SORCS2: variants seen among roughly 807,000 people sequenced by gnomAD.
SORCS2 encodes VPS10 domain-containing receptor SorCS2.
Under a neutral mutation model 141.6 loss-of-function variants are expected in SORCS2, and 100 were observed. The observed-to-expected ratio is 0.71, with a 90% confidence interval of 0.60 to 0.83. The LOEUF is 0.83. Among genes scored for constraint, SORCS2 ranks in the 40% least tolerant of loss-of-function variants. The pLI, the probability that SORCS2 is intolerant of heterozygous loss-of-function variation, is 0.00. For synonymous variants in SORCS2, 789 were observed against 676.9 expected (o/e 1.17, Z -2.57); for missense variants, 1,646 against 1,560.2 (o/e 1.05, Z -0.93).
At chr4:7,368,147 C>T (rs1029455349) in intron 1 of SORCS2, among the ~76,000 whole-genome samples, 16 of 152,170 alleles carry the variant, frequency 1.1e-4, no homozygotes, top group Admixed American at 4.6e-4. Flanking sequence ...ATGAATGTGC[C>T]GGAATCCTGT....
intron 1 of SORCS2, among the ~76,000 whole-genome samples, chr4:7,389,689 C>T (rs909260242): frequency 1.3e-5 from 2 of 151,986 alleles, no homozygotes; most frequent in African/African-American, 4.8e-5. Flanking sequence ...AGGTGGTGGC[C>T]TTGAGAATGA....
intron 2 of SORCS2, among the ~76,000 whole-genome samples, chr4:7,524,768 T>A (rs1577695696): frequency 6.6e-6 from 1 of 151,528 alleles, no homozygotes; most frequent in Non-Finnish European, 1.5e-5. Flanking sequence ...TCTGCTGGAG[T>A]CGGGTGGTCC....
intron 9 of SORCS2, among the ~76,000 whole-genome samples, chr4:7,679,234 C>G (rs1049082178): frequency 6.6e-6 from 1 of 152,150 alleles, no homozygotes; most frequent in Non-Finnish European, 1.5e-5. Context: ...AGACAGCAAA[C>G]ATTTCCTAGG....
intron 1 of SORCS2, among the ~76,000 whole-genome samples, chr4:7,308,764 C>G (rs1308410007): frequency 6.6e-6 from 1 of 152,008 alleles, no homozygotes; most frequent in African/African-American, 2.4e-5. Context: ...TCGTCTCGCT[C>G]CAGCACCCTG....
chr4:7,592,431 C>G (rs1372303877), intron 3 of SORCS2, among the ~76,000 whole-genome samples: 3 of 152,158 alleles, frequency 2.0e-5, no homozygotes, highest in Non-Finnish European at 4.4e-5. Flanking sequence ...ATGACCAGTG[C>G]TCACCAGCAC....
intron 3 of SORCS2, among the ~76,000 whole-genome samples, chr4:7,633,493 T>A (rs574906925): frequency 6.6e-6 from 1 of 152,308 alleles, no homozygotes; most frequent in East Asian, 1.9e-4. Context: ...AACACCTGGG[T>A]GCCATTTTCC....
chr4:7,432,053 C>T (rs898589621), intron 2 of SORCS2: 1 of 152,426 alleles, frequency 6.6e-6, no homozygotes, highest in Admixed American at 6.5e-5. Context: ...CAGGGGCTCT[C>T]CTGGAGGGGG....
At chr4:7,469,753 A>G (rs1729856148) in intron 2 of SORCS2, among the ~76,000 whole-genome samples, 1 of 147,368 alleles carries the variant, frequency 6.8e-6, no homozygotes, top group Non-Finnish European at 1.5e-5. Context: ...AGGTGATTCC[A>G]ATCTGCAGCC....
At chr4:7,411,815 C>T (rs1335261325) in intron 2 of SORCS2, among the ~76,000 whole-genome samples, 1 of 152,176 alleles carries the variant, frequency 6.6e-6, no homozygotes, top group African/African-American at 2.4e-5. Flanking sequence ...TCCATTGGAG[C>T]AGAGGAAGTG....
intron 9 of SORCS2, among the ~76,000 whole-genome samples, chr4:7,679,343 G>A (rs933245160): frequency 6.6e-6 from 1 of 152,184 alleles, no homozygotes; most frequent in Non-Finnish European, 1.5e-5. Context: ...ATCCTAATGG[G>A]CTGAATGGTG....
chr4:7,387,440 T>G, intron 1 of SORCS2, among the ~76,000 whole-genome samples: 1 of 76,632 alleles, frequency 1.3e-5, no homozygotes, highest in Non-Finnish European at 3.0e-5. Context: ...CATAGGTACA[T>G]GCATGCACAC....
intron 2 of SORCS2, among the ~76,000 whole-genome samples, chr4:7,441,772 C>T (rs1168944971): frequency 1.7e-4 from 4 of 23,734 alleles, no homozygotes; most frequent in Admixed American, 7.8e-4. Context: ...ACCCCCTCCC[C>T]CAGCCCAGAT....
chr4:7,532,812 TGTTTTGTTTTGTTTC>T (rs1405176244), intron 3 of SORCS2, among the ~76,000 whole-genome samples: 1 of 152,106 alleles, frequency 6.6e-6, no homozygotes, highest in African/African-American at 2.4e-5. Flanking sequence ...TTGCTGTTTT[TGTTTTGTTTTGTTTC>T]GTTTTTTTCT....
chr4:7,215,677 G>A (rs918768759), intron 1 of SORCS2, among the ~76,000 whole-genome samples: 6 of 152,202 alleles, frequency 3.9e-5, no homozygotes, highest in African/African-American at 1.4e-4. Context: ...CCAGCTCAAG[G>A]TTTGTAAACA....
intron 2 of SORCS2, among the ~76,000 whole-genome samples, chr4:7,397,922 T>C (rs568215182): frequency 1.3e-5 from 2 of 152,302 alleles, no homozygotes; most frequent in African/African-American, 4.8e-5. Context: ...GTCTGTCAAG[T>C]GCTGGGCTGC....
At position 7,217,106 on chromosome 4, in the gene SORCS2, C is replaced by T. The variant is rs557516467; in HGVS notation, c.480+23980C>T. Among the ~76,000 whole-genome samples the T allele has an allele frequency of 3.2e-3, 490 of 152,312 alleles. 1 individual carries two copies. Among genetic ancestry groups the T allele is most frequent in the Non-Finnish European group, 5.5e-3 (376 of 68,024 alleles). Reference sequence around the variant, plus strand: ...CTTTCAGAGCAAGTCCGGCCCTGCTCCATGGGGCTCCTCTTTCCCCTTCAC... The same window carrying T: ...CTTTCAGAGCAAGTCCGGCCCTGCTTCATGGGGCTCCTCTTTCCCCTTCAC... On this transcript the variant is annotated intron_variant, in intron 1 of 26. Coordinates refer to ENST00000507866, the MANE Select transcript of SORCS2 (RefSeq NM_020777.3).
rs202126160 is a variant in SORCS2, at chr4:7,676,124, C to G, written c.1236C>G (p.Tyr412Ter). Residue 412 changes from tyrosine to a stop codon, truncating the protein, a stop_gained, in exon 9 of 27, where the codon TAC becomes TAG. Transcript: ENST00000507866. LOFTEE classifies it high-confidence loss of function. ...AGGAGTGGTACCAGATGGACACCTACAACCTGTACCAGTCGGACCCACGGG... is the reference window on the plus strand; with the variant it reads ...AGGAGTGGTACCAGATGGACACCTAGAACCTGTACCAGTCGGACCCACGGG... ...AVQEWYQMDT[Y>*]NLYQSDPRGV... 2 of 1,582,564 alleles carry G rather than the reference C, an allele frequency of 1.3e-6. No homozygotes were observed. Among genetic ancestry groups the G allele is most frequent in the South Asian group, 2.3e-5 (2 of 86,672 alleles).
intron 11 of SORCS2, among the ~76,000 whole-genome samples, chr4:7,690,307 A>AATGGGTGGTGG (rs1724149474): frequency 1.5e-5 from 1 of 66,842 alleles, no homozygotes; most frequent in Non-Finnish European, 2.7e-5. Context: ...GATGATGGTG[A>AATGGGTGGTGG]ATGGGTGGTG....
At chr4:7,661,681 T>C (rs2108917120) in intron 6 of SORCS2, 117 bp downstream of exon 6, 1 of 894,894 alleles carries the variant, frequency 1.1e-6, no homozygotes, top group East Asian at 2.8e-5. Context: ...ACAGCCGGCC[T>C]CACTGTGTCT....
Sources: allele counts gnomAD v4.1 joint callset (sites outside exome capture counted in the v4.1 genomes callset), GRCh38; gene constraint gnomAD v4.1.1; transcripts MANE v1.5; gene names NCBI Gene and HGNC (gene_info 2026-07-23, HGNC 2026-07-21).